The following MAD1L1 variants were observed in gnomAD, a reference collection of about 807,000 sequenced individuals.
MAD1L1 encodes the protein mitotic arrest deficient 1 like 1, also known as mitotic spindle assembly checkpoint protein MAD1.
MAD1L1 carries 95 observed loss-of-function variants against 96.9 expected under a neutral mutation model. That is an observed-to-expected ratio of 0.98 (90% confidence interval 0.83 to 1.16). The LOEUF (loss-of-function observed/expected upper bound fraction) is 1.16. Ranked by LOEUF, MAD1L1 falls within the 50% of genes most tolerant of loss-of-function variation. MAD1L1 has a pLI of 0.00. For missense variants in MAD1L1, 1,007 were observed against 954.4 expected, an observed-to-expected ratio of 1.06 and a Z score of -0.73; for synonymous variants, 473 against 396.6, an observed-to-expected ratio of 1.19 and a Z score of -2.29.
chr7:2,011,502 G>C (rs982804945), intron 13 of MAD1L1, among the ~76,000 whole-genome samples: 5 of 152,224 alleles, frequency 3.3e-5, no homozygotes, highest in Non-Finnish European at 5.9e-5. Context: ...CCCAGCCCAG[G>C]AGCTGGCGGC....
At chr7:2,062,864 G>C (rs538117673) in intron 12 of MAD1L1, among the ~76,000 whole-genome samples, 16 of 152,126 alleles carry the variant, frequency 1.1e-4, no homozygotes, top group Admixed American at 9.8e-4. Flanking sequence ...CCTGCACACA[G>C]CATCACAACA....
chr7:2,169,581 G>A (rs928609697), intron 10 of MAD1L1, among the ~76,000 whole-genome samples: 1 of 152,358 alleles, frequency 6.6e-6, no homozygotes, highest in Non-Finnish European at 1.5e-5. Flanking sequence ...TACACTGCAG[G>A]TGCCAGGCTC....
intron 18 of MAD1L1, among the ~76,000 whole-genome samples, chr7:1,887,860 C>CTGCCTGG (rs1562491920): frequency 2.6e-3 from 48 of 18,458 alleles, no homozygotes; most frequent in South Asian, 0.026. Flanking sequence ...TGTGTGTGTG[C>CTGCCTGG]ACGTGTGTGT....
intron 10 of MAD1L1, among the ~76,000 whole-genome samples, chr7:2,154,924 C>T (rs1326078182): frequency 6.6e-6 from 1 of 152,104 alleles, no homozygotes; most frequent in African/African-American, 2.4e-5. Context: ...TGGAGAAGGA[C>T]GGAGGCCACC....
intron 11 of MAD1L1, among the ~76,000 whole-genome samples, chr7:2,074,332 G>A (rs1045963294): frequency 3.3e-5 from 5 of 151,918 alleles, no homozygotes; most frequent in Non-Finnish European, 5.9e-5. Context: ...CGCCAAGGAC[G>A]CAGTGACTTC....
chr7:1,884,610 G>C (rs1338030536), intron 18 of MAD1L1, among the ~76,000 whole-genome samples: 14 of 152,256 alleles, frequency 9.2e-5, no homozygotes, highest in Non-Finnish European at 1.5e-5. Flanking sequence ...AATGTCACCA[G>C]GTCTAAGAGA....
rs977608780 is a variant in MAD1L1 at position 2,088,503 on chromosome 7, G to A, written c.1074-19165C>T. 5.3e-5 allele frequency among the ~76,000 whole-genome samples: 8 copies of A among 152,104 alleles called. No homozygotes were observed. Among genetic ancestry groups the A allele is most frequent in the South Asian group, 2.1e-4 (1 of 4,814 alleles). ...CTCCAGGGAACACCGCCCCAGCCTC[G>A]AGTGCCACCATGACAGCTCTGGAGC... On this transcript the variant is annotated intron_variant, in intron 11 of 18. Coordinates refer to ENST00000265854, the MANE Select transcript of MAD1L1 (RefSeq NM_001013836.2). This position sits in a 1 kb window ranked among gnomAD's most constrained non-coding sequence, Gnocchi z 4.4.
chr7:2,140,347 A>C (rs1788967883), intron 11 of MAD1L1, among the ~76,000 whole-genome samples: 1 of 152,136 alleles, frequency 6.6e-6, no homozygotes, highest in South Asian at 2.1e-4. Context: ...CCCTCAAAGG[A>C]CCCTGAAGGG....
chr7:2,015,802 C>T (rs746943103), intron 12 of MAD1L1, among the ~76,000 whole-genome samples: 43 of 152,364 alleles, frequency 2.8e-4, no homozygotes, highest in African/African-American at 4.8e-4. Flanking sequence ...CAGATCTTCA[C>T]GGGCATCTGG....
intron 10 of MAD1L1, among the ~76,000 whole-genome samples, chr7:2,209,020 C>G (rs537911084): frequency 6.6e-6 from 1 of 152,238 alleles, no homozygotes; most frequent in Non-Finnish European, 1.5e-5. Flanking sequence ...CCCTTCCCCA[C>G]GTGTGTTCAC....
intron 11 of MAD1L1, among the ~76,000 whole-genome samples, chr7:2,089,843 G>A (rs1786117868): frequency 1.3e-5 from 2 of 152,168 alleles, no homozygotes; most frequent in South Asian, 2.1e-4. Context: ...CATCCATCTC[G>A]AAGGCCAGGC....
chr7:1,946,525 CAAAAGG>C (rs1779235982), intron 16 of MAD1L1, among the ~76,000 whole-genome samples: 1 of 152,252 alleles, frequency 6.6e-6, no homozygotes, highest in Non-Finnish European at 1.5e-5. Context: ...ACGAGAATCT[CAAAAGG>C]AAAAGTTTGG....
intron 11 of MAD1L1, among the ~76,000 whole-genome samples, chr7:2,131,254 C>A (rs1788497651): frequency 6.6e-6 from 1 of 152,184 alleles, no homozygotes; most frequent in Non-Finnish European, 1.5e-5. Context: ...GGCCCAAATG[C>A]TTAAAAACAG....
At chr7:1,851,809 G>A (rs140804129) in intron 18 of MAD1L1, among the ~76,000 whole-genome samples, 1,878 of 152,244 alleles carry the variant, frequency 0.012, 36 homozygotes, top group African/African-American at 0.042. Context: ...GATCTGTGAC[G>A]CCTGCCTGCC....
chr7:2,066,346 C>T (rs879746968), intron 12 of MAD1L1, among the ~76,000 whole-genome samples: 11 of 152,240 alleles, frequency 7.2e-5, no homozygotes, highest in Admixed American at 1.3e-4. Flanking sequence ...GCAGGCACGC[C>T]GCTCCCTCCA....
In MAD1L1 at chr7:2,229,989, T is replaced by C. The variant is rs190986795; in HGVS notation, c.145A>G (p.Met49Val). The change falls in exon 3 of 19, where the codon ATG becomes GTG. Residue 49 changes from methionine (M) to valine (V), a missense_variant. Coordinates refer to ENST00000265854, the MANE Select transcript of MAD1L1 (RefSeq NM_001013836.2). The part of the protein sequence containing the change: ...GSLQMQYQQS[M>V]QLEERAEQIR... The stretch of plus-strand genomic sequence containing the variant: ...CCCAGGCACATGCCACTCACCTGCA[T>C]GCTCTGCTGGTACTGCATCTGCAGA... 5.6e-6 allele frequency: 9 copies of C among 1,612,654 alleles called. No individual in the cohort carries two copies. The Admixed American group carries it at 1.3e-4, about 24-fold the overall frequency.
At chr7:2,125,646 A>G (rs1788197746) in intron 11 of MAD1L1, among the ~76,000 whole-genome samples, 1 of 152,144 alleles carries the variant, frequency 6.6e-6, no homozygotes, top group South Asian at 2.1e-4. Flanking sequence ...GACGACTCCA[A>G]ACAGGGCAGT....
At chr7:1,945,436 C>T (rs927418279) in intron 16 of MAD1L1, among the ~76,000 whole-genome samples, 26 of 152,194 alleles carry the variant, frequency 1.7e-4, no homozygotes, top group African/African-American at 3.4e-4. Flanking sequence ...TAGAGTAACG[C>T]AGGAAGTAAG....
Position 1,865,156 on chromosome 7 carries a change from G to T in MAD1L1, c.1998+33044C>A, listed in dbSNP as rs915172873. On this transcript the variant is annotated intron_variant, in intron 18 of 18. Coordinates refer to ENST00000265854, the MANE Select transcript of MAD1L1 (RefSeq NM_001013836.2). ...ATCCTGTCTGGGACTCCCGGAAGGGGGCACATGCGTGAGGCGTGCACAAGC... is the reference window on the plus strand; with the variant it reads ...ATCCTGTCTGGGACTCCCGGAAGGGTGCACATGCGTGAGGCGTGCACAAGC... 4.6e-5 allele frequency among the ~76,000 whole-genome samples: 7 copies of T among 152,300 alleles called. No individual in the cohort carries two copies. In the South Asian group the frequency reaches 1.5e-3, roughly 32 times the overall value.
Sources: allele counts gnomAD v4.1 joint callset (sites outside exome capture counted in the v4.1 genomes callset), GRCh38; gene constraint gnomAD v4.1.1; non-coding constraint Gnocchi (gnomAD v3.1); transcripts MANE v1.5; gene names NCBI Gene and HGNC (gene_info 2026-07-23, HGNC 2026-07-21).